The following TMEM117 variants were observed in gnomAD, a reference collection of about 807,000 sequenced individuals.
The protein encoded by TMEM117 is transmembrane protein 117.
A neutral mutation model predicts 52.4 loss-of-function variants in TMEM117; 27 were observed. That is an observed-to-expected ratio of 0.51 (90% CI 0.38 to 0.71). The LOEUF is 0.71. Ranked by LOEUF, TMEM117 falls within the 30% of genes least tolerant of loss-of-function variation. The probability of loss-of-function intolerance (pLI) is 0.00; values close to 1 mark genes in which losing one functional copy is unlikely to be tolerated. For missense variants in TMEM117, 556 were observed against 630.5 expected, an observed-to-expected ratio of 0.88 and a Z score of 1.26; for synonymous variants, 215 against 206.3, an observed-to-expected ratio of 1.04 and a Z score of -0.36.
intron 4 of TMEM117, among the ~76,000 whole-genome samples, chr12:44,179,850 C>G (rs1438437637): frequency 6.6e-6 from 1 of 152,086 alleles, no homozygotes; most frequent in Non-Finnish European, 1.5e-5. Flanking sequence ...ACAAATAACC[C>G]AAATATTTCA....
intron 2 of TMEM117, chr12:43,845,131 G>A: frequency 1.8e-6 from 1 of 558,806 alleles, no homozygotes; most frequent in Middle Eastern, 4.9e-4. Context: ...AGGAAAATTA[G>A]CACGAGGTAA....
chr12:44,394,494 C>A (rs1177388443), downstream of TMEM117, among the ~76,000 whole-genome samples: 1 of 152,182 alleles, frequency 6.6e-6, no homozygotes, highest in Non-Finnish European at 1.5e-5. Context: ...AATGTAATCC[C>A]TTTTCACTTG....
At chr12:43,939,095 T>C (rs1411650904) in intron 2 of TMEM117, among the ~76,000 whole-genome samples, 3 of 152,144 alleles carry the variant, frequency 2.0e-5, no homozygotes, top group Non-Finnish European at 4.4e-5. Flanking sequence ...TTAAATTTAG[T>C]TTTTGTTTTC....
At chr12:44,175,262 A>G (rs528955166) in intron 4 of TMEM117, among the ~76,000 whole-genome samples, 63 of 152,238 alleles carry the variant, frequency 4.1e-4, no homozygotes, top group Admixed American at 2.5e-3. Context: ...AAGAGGACAT[A>G]TTTGACAGAT....
intron 3 of TMEM117, among the ~76,000 whole-genome samples, chr12:44,096,894 C>T (rs1947774030): frequency 2.0e-5 from 3 of 151,392 alleles, no homozygotes; most frequent in South Asian, 4.1e-4. Flanking sequence ...AGCTTCTGCA[C>T]AGCAAAAGAA....
At chr12:44,194,770 G>T (rs1949396743) in intron 4 of TMEM117, among the ~76,000 whole-genome samples, 1 of 152,170 alleles carries the variant, frequency 6.6e-6, no homozygotes. Flanking sequence ...GGCCGAGGTT[G>T]CAGTGAGCCC....
chr12:44,079,034 A>T (rs1937766343), intron 3 of TMEM117, among the ~76,000 whole-genome samples: 2 of 152,126 alleles, frequency 1.3e-5, no homozygotes, highest in Admixed American at 6.6e-5. Flanking sequence ...CCTGCAAAGG[A>T]CATGAACTCA....
chr12:43,968,462 A>G (rs546281244), intron 3 of TMEM117, among the ~76,000 whole-genome samples: 30 of 152,348 alleles, frequency 2.0e-4, no homozygotes, highest in African/African-American at 6.3e-4. Context: ...TCTTCTGCAG[A>G]TGGATGGTTG....
intron 2 of TMEM117, among the ~76,000 whole-genome samples, chr12:43,884,133 CAAAA>C (rs758603064): frequency 1.4e-5 from 1 of 69,626 alleles, no homozygotes. Context: ...GATACCATCT[CAAAA>C]AAAAAAAAAA....
rs1348070700 is a variant in TMEM117 at position 43,855,959 on chromosome 12, CTA to C, written c.277+11033_277+11034del. On this transcript the variant is annotated intron_variant, in intron 2 of 7. Transcript: ENST00000266534. ...GAATTCGACATTTAGGAATAAAAAACTATTATTTTAATACAATGATATGGGTA... is the reference window on the plus strand; with the variant it reads ...GAATTCGACATTTAGGAATAAAAAACTTATTTTAATACAATGATATGGGTA... Among the ~76,000 whole-genome samples the C allele has an allele frequency of 3.9e-5, 6 of 152,136 alleles. No individual in the cohort carries two copies. In the East Asian group the frequency reaches 1.2e-3, roughly 29 times the overall value.
chr12:44,338,635 C>T (rs994786348), intron 6 of TMEM117, among the ~76,000 whole-genome samples: 7 of 151,892 alleles, frequency 4.6e-5, no homozygotes, highest in Non-Finnish European at 7.4e-5. Context: ...CGTAAACATC[C>T]ATGAGTGTAA....
At chr12:44,172,603 C>T (rs114878164) in intron 4 of TMEM117, among the ~76,000 whole-genome samples, 1 of 152,178 alleles carries the variant, frequency 6.6e-6, no homozygotes, top group Non-Finnish European at 1.5e-5. Flanking sequence ...GTCACATTCT[C>T]TGGGGGCTAG....
At chr12:44,393,518 G>GT (rs145455709), downstream of TMEM117, among the ~76,000 whole-genome samples, 4 of 144,100 alleles carry the variant, frequency 2.8e-5, no homozygotes, top group South Asian at 6.5e-4. Context: ...GCTTAGAGAG[G>GT]TTTTTTTGAC....
chr12:44,108,327 G>A (rs1446760568), intron 3 of TMEM117, among the ~76,000 whole-genome samples: 1 of 130,660 alleles, frequency 7.7e-6, no homozygotes, highest in Non-Finnish European at 1.6e-5. Flanking sequence ...CTAGCATTAG[G>A]TATATCTCCC....
Position 43,926,092 on chromosome 12 carries a change from A to G in TMEM117, c.278-18118A>G, listed in dbSNP as rs868616380. The stretch of plus-strand genomic sequence containing the variant: ...ATATGTTTAGAAAAATTCAGTATAT[A>G]TCTAAATTTTGGTCTTATATATCTT... On this transcript the variant is annotated intron_variant, in intron 2 of 7. Transcript: ENST00000266534. 2.0e-5 allele frequency among the ~76,000 whole-genome samples: 3 copies of G among 152,326 alleles called. No homozygotes were observed. In the South Asian group the frequency reaches 6.2e-4, roughly 32 times the overall value.
At chr12:43,814,480 C>A in the TMEM117 span, among the ~76,000 whole-genome samples, 1 of 152,140 alleles carries the variant, frequency 6.6e-6, no homozygotes, top group Non-Finnish European at 1.5e-5. Flanking sequence ...GCCCTCTGTT[C>A]TGGGCTGCAT....
intron 3 of TMEM117, among the ~76,000 whole-genome samples, chr12:43,988,833 G>A (rs561844924): frequency 1.3e-5 from 2 of 152,220 alleles, no homozygotes; most frequent in South Asian, 2.1e-4. Context: ...ACGTTTACAA[G>A]TATGTATTTA....
intron 3 of TMEM117, among the ~76,000 whole-genome samples, chr12:44,104,921 T>C (rs1285290244): frequency 6.6e-6 from 1 of 151,966 alleles, no homozygotes; most frequent in Admixed American, 6.6e-5. Flanking sequence ...AAATATATTT[T>C]CTATAGTTTG....
At position 43,844,738 on chromosome 12, in the gene TMEM117, A is replaced by G. The variant is rs1396641979; in HGVS notation, c.87A>G (p.Ile29Met). The G allele has an allele frequency of 6.2e-7, 1 of 1,613,932 alleles. No individual in the cohort carries two copies. Among genetic ancestry groups the G allele is most frequent in the Non-Finnish European group, 8.5e-7 (1 of 1,180,028 alleles). The part of the protein sequence containing the change: ...AYLVIFFNFL[I>M]FAEDPVSHSQ... Reference sequence around the variant, plus strand: ...TGGTGATCTTCTTTAACTTCTTAATATTTGCGGAGGACCCAGTTTCTCATA... The same window carrying G: ...TGGTGATCTTCTTTAACTTCTTAATGTTTGCGGAGGACCCAGTTTCTCATA... Residue 29 changes from isoleucine to methionine, a missense_variant, in exon 2 of 8, where the codon ATA becomes ATG. By Grantham distance (10) the Ile-to-Met change is conservative. This residue lies in a region of TMEM117 where 328 missense variants were observed against 371.4 expected (regional missense o/e 0.88). Transcript: ENST00000266534.
Sources: gnomAD v4.1 joint callset for allele counts (sites outside exome capture counted in the v4.1 genomes callset) on GRCh38, gnomAD v4.1.1 for gene constraint, gnomAD v4.1.1 regional missense constraint, MANE v1.5 for transcripts, NCBI Gene and HGNC (gene_info 2026-07-23, HGNC 2026-07-21) for gene names.